Variants in CDH12 observed in about 807,000 individuals in gnomAD.
The protein encoded by CDH12 is cadherin 12.
A neutral mutation model predicts 74.1 loss-of-function variants in CDH12; 41 were observed. That is an observed-to-expected ratio of 0.55 (90% CI 0.43 to 0.72). The LOEUF is 0.72. Ranked by LOEUF, CDH12 falls within the 30% of genes least tolerant of loss-of-function variation. CDH12 has a pLI of 0.00. For missense variants in CDH12, 945 were observed against 977.2 expected, an observed-to-expected ratio of 0.97 and a Z score of 0.44; for synonymous variants, 399 against 355.0, an observed-to-expected ratio of 1.12 and a Z score of -1.39.
At chr5:22,100,329 C>T (rs948848901) in intron 4 of CDH12, among the ~76,000 whole-genome samples, 72 of 152,080 alleles carry the variant, frequency 4.7e-4, no homozygotes, top group African/African-American at 1.5e-3. Flanking sequence ...GAGGACTGTG[C>T]GTAGAGACTG....
At chr5:22,027,461 G>C (rs2150168497) in intron 5 of CDH12, among the ~76,000 whole-genome samples, 1 of 152,204 alleles carries the variant, frequency 6.6e-6, no homozygotes, top group South Asian at 2.1e-4. Context: ...TTTTTGGTTG[G>C]TAAGCTATTG....
chr5:22,123,755 C>G (rs1235497791), intron 4 of CDH12, among the ~76,000 whole-genome samples: 2 of 152,036 alleles, frequency 1.3e-5, no homozygotes, highest in African/African-American at 4.8e-5. Context: ...CAAATGAGAC[C>G]TAATTGTTTT....
At chr5:22,170,293 A>G (rs1748944652) in intron 4 of CDH12, among the ~76,000 whole-genome samples, 1 of 151,924 alleles carries the variant, frequency 6.6e-6, no homozygotes, top group African/African-American at 2.4e-5. Context: ...GATTTTCTTG[A>G]TGTATCTTCT....
intron 4 of CDH12, among the ~76,000 whole-genome samples, chr5:22,147,911 T>C (rs1020138375): frequency 1.3e-5 from 2 of 152,138 alleles, no homozygotes; most frequent in Non-Finnish European, 2.9e-5. Flanking sequence ...TTATCAGATA[T>C]CATATTCATC....
chr5:22,769,747 G>A (rs1327908379), intron 1 of CDH12, among the ~76,000 whole-genome samples: 1 of 151,928 alleles, frequency 6.6e-6, no homozygotes, highest in African/African-American at 2.4e-5. Flanking sequence ...GATATAATGG[G>A]GGAGTGGGGT....
chr5:22,591,857 C>T (rs1311468456), intron 1 of CDH12, among the ~76,000 whole-genome samples: 1 of 152,132 alleles, frequency 6.6e-6, no homozygotes, highest in Non-Finnish European at 1.5e-5. Context: ...TTCTTTACTG[C>T]CCTATGATTA....
chr5:22,460,301 T>C (rs1006847735), intron 2 of CDH12, among the ~76,000 whole-genome samples: 11 of 152,236 alleles, frequency 7.2e-5, no homozygotes, highest in African/African-American at 2.7e-4. Flanking sequence ...TTATTCATCT[T>C]ACAAATGCCT....
intron 1 of CDH12, among the ~76,000 whole-genome samples, chr5:22,622,414 C>T (rs1738023093): frequency 6.6e-6 from 1 of 152,104 alleles, no homozygotes. Context: ...CTGCACAGGG[C>T]AGCAAAACAC....
intron 2 of CDH12, among the ~76,000 whole-genome samples, chr5:22,416,070 T>C (rs1341512153): frequency 5.3e-5 from 6 of 114,176 alleles, no homozygotes; most frequent in African/African-American, 2.0e-4. Flanking sequence ...CTTTTTTTTT[T>C]TTTTTTTTTT....
chr5:22,083,485 C>T (rs1266443119), intron 4 of CDH12, among the ~76,000 whole-genome samples: 1 of 152,100 alleles, frequency 6.6e-6, no homozygotes, highest in Admixed American at 6.6e-5. Flanking sequence ...ACACTATTAC[C>T]TGGCAAATTG....
chr5:21,848,390 A>T (rs1051857164), intron 7 of CDH12, among the ~76,000 whole-genome samples: 1 of 152,042 alleles, frequency 6.6e-6, no homozygotes, highest in Non-Finnish European at 1.5e-5. Context: ...GATAGTACTC[A>T]AAACGTAACT....
At chr5:22,533,996 G>C (rs1737710732) in intron 1 of CDH12, among the ~76,000 whole-genome samples, 1 of 152,028 alleles carries the variant, frequency 6.6e-6, no homozygotes, top group African/African-American at 2.4e-5. Flanking sequence ...GACTTGTCTG[G>C]TTCCTCTTAT....
intron 6 of CDH12, among the ~76,000 whole-genome samples, chr5:21,944,002 G>A (rs1036856336): frequency 1.6e-4 from 24 of 151,950 alleles, no homozygotes; most frequent in Non-Finnish European, 2.9e-4. Context: ...ACCCATACCT[G>A]CATTTATATC....
At chr5:21,906,191 T>C (rs1033816374) in intron 6 of CDH12, among the ~76,000 whole-genome samples, 2 of 152,210 alleles carry the variant, frequency 1.3e-5, no homozygotes, top group East Asian at 1.9e-4. Context: ...TTTCTTGAAA[T>C]AGGATATTTT....
At chr5:21,979,839 C>G (rs990746635) in intron 5 of CDH12, among the ~76,000 whole-genome samples, 1 of 151,570 alleles carries the variant, frequency 6.6e-6, no homozygotes, top group Non-Finnish European at 1.5e-5. Context: ...ATTTCTAGTT[C>G]TAGATCCCTG....
intron 3 of CDH12, among the ~76,000 whole-genome samples, chr5:22,276,762 C>T (rs1736653201): frequency 6.6e-6 from 1 of 152,208 alleles, no homozygotes. Context: ...TCTCAGCTCA[C>T]TGCAACCTCC....
At chr5:21,770,956 A>C (rs971269676) in intron 11 of CDH12, among the ~76,000 whole-genome samples, 3 of 152,142 alleles carry the variant, frequency 2.0e-5, no homozygotes, top group African/African-American at 7.2e-5. Flanking sequence ...AAACTAACCT[A>C]AGAACAGACA....
intron 5 of CDH12, among the ~76,000 whole-genome samples, chr5:22,052,069 A>G (rs1008689210): frequency 6.6e-6 from 1 of 152,188 alleles, no homozygotes; most frequent in Admixed American, 6.6e-5. Context: ...TGTGGGTCAC[A>G]GTTTTACACA....
intron 3 of CDH12, among the ~76,000 whole-genome samples, chr5:22,229,078 C>G (rs905463863): frequency 6.6e-6 from 1 of 151,670 alleles, no homozygotes. Context: ...TTCACACTGT[C>G]AAATTCTTAG....
Sources: allele counts gnomAD v4.1 joint callset (sites outside exome capture counted in the v4.1 genomes callset), GRCh38; gene constraint gnomAD v4.1.1; transcripts MANE v1.5; gene names NCBI Gene and HGNC (gene_info 2026-07-23, HGNC 2026-07-21).